WDR41: variants seen among roughly 807,000 people sequenced by gnomAD.
The protein encoded by WDR41 is WD repeat domain 41, also known as WD repeat-containing protein 41.
A neutral mutation model predicts 69.3 loss-of-function variants in WDR41; 63 were observed. The observed-to-expected ratio is 0.91, with a 90% confidence interval of 0.74 to 1.12. WDR41 has a LOEUF of 1.12. Among genes scored for constraint, WDR41 ranks in the 50% most tolerant of loss-of-function variants. The probability of loss-of-function intolerance (pLI) is 0.00; values close to 1 mark genes in which losing one functional copy is unlikely to be tolerated. For synonymous variants in WDR41, 185 were observed against 192.1 expected (o/e 0.96, Z 0.31); for missense variants, 543 against 534.5 (o/e 1.02, Z -0.16).
chr5:77,583,731 G>T (rs986555383), intron 1 of WDR41, among the ~76,000 whole-genome samples: 2 of 152,076 alleles, frequency 1.3e-5, no homozygotes, highest in South Asian at 2.1e-4. Flanking sequence ...GCAAATGGGG[G>T]ACCACTTCCT....
Position 77,539,065 on chromosome 5 carries a change from T to C in WDR41, c.43-49493A>G, listed in dbSNP as rs530329829. Among the ~76,000 whole-genome samples, 6 of 152,234 alleles carry C rather than the reference T, an allele frequency of 3.9e-5. No homozygotes were observed. In the South Asian group the frequency reaches 1.2e-3, roughly 32 times the overall value. On this transcript the variant is annotated intron_variant, in intron 1 of 5. Coordinates refer to the WDR41 transcript ENST00000509971. ...AGGTGGCCATCTTGCTGTATCTTCA[T>C]GGGAGGAGAGAGAGAGAGATCATCT...
chr5:77,534,445 T>C (rs1742924237), intron 1 of WDR41, among the ~76,000 whole-genome samples: 2 of 151,964 alleles, frequency 1.3e-5, no homozygotes, highest in African/African-American at 4.8e-5. Context: ...TCAATTTTTT[T>C]TTCTTTTTGA....
At position 77,431,326 on chromosome 5, in the gene WDR41, A is replaced by G. The variant is rs1482200119; in HGVS notation, c.*1809T>C. On this transcript the variant is annotated 3_prime_UTR_variant, in exon 13 of 13. Coordinates refer to ENST00000296679, the MANE Select transcript of WDR41 (RefSeq NM_018268.4). ...CAGTATCAAGACCCTCCACCAGCAA[A>G]AAGATTATGACTCGCTGAAGGCTCA... The G allele has an allele frequency of 6.6e-6, 1 of 152,446 alleles. No homozygotes were observed. The highest frequency in any genetic ancestry group is 1.5e-5 in the Non-Finnish European group (1 of 68,026). The allele number at this position is 152,446 out of a possible 1,614,324, so 9.4% of individuals were successfully genotyped here.
intron 2 of WDR41, among the ~76,000 whole-genome samples, chr5:77,485,370 G>T (rs1489726689): frequency 1.3e-5 from 2 of 152,106 alleles, no homozygotes; most frequent in African/African-American, 4.8e-5. Flanking sequence ...TGAGCATATT[G>T]TTCATTTTTA....
intron 2 of WDR41, among the ~76,000 whole-genome samples, chr5:77,473,577 T>C (rs560975467): frequency 1.3e-4 from 20 of 152,166 alleles, no homozygotes; most frequent in African/African-American, 4.6e-4. Flanking sequence ...GAATCTACAA[T>C]GAACACCAAC....
chr5:77,530,416 A>G (rs1802510479), intron 1 of WDR41, among the ~76,000 whole-genome samples: 1 of 151,756 alleles, frequency 6.6e-6, no homozygotes, highest in Non-Finnish European at 1.5e-5. Flanking sequence ...TATAAAATGA[A>G]TTACCACTTA....
chr5:77,444,977 C>CA (rs748918081), intron 8 of WDR41, among the ~76,000 whole-genome samples: 3 of 151,754 alleles, frequency 2.0e-5, no homozygotes, highest in Admixed American at 2.0e-4. Flanking sequence ...AAAAACTCTC[C>CA]AAAAAAATCA....
intron 1 of WDR41, among the ~76,000 whole-genome samples, chr5:77,566,809 A>G (rs920458287): frequency 5.3e-5 from 8 of 152,106 alleles, no homozygotes; most frequent in Admixed American, 1.3e-4. Flanking sequence ...ATTGACTGCA[A>G]TCAAAGTCTG....
At chr5:77,530,911 TTAATGG>T (rs1802518972) in intron 1 of WDR41, among the ~76,000 whole-genome samples, 1 of 151,784 alleles carries the variant, frequency 6.6e-6, no homozygotes, top group Non-Finnish European at 1.5e-5. Context: ...CAGTTAAATG[TTAATGG>T]TACAAGAACT....
chr5:77,508,445 A>C (rs1802147785), intron 1 of WDR41, among the ~76,000 whole-genome samples: 1 of 152,186 alleles, frequency 6.6e-6, no homozygotes, highest in Non-Finnish European at 1.5e-5. Flanking sequence ...TTTTGTTGGT[A>C]TTCTTTATTT....
At chr5:77,488,229 T>C (rs1301739644) in intron 2 of WDR41, among the ~76,000 whole-genome samples, 2 of 152,090 alleles carry the variant, frequency 1.3e-5, no homozygotes, top group Non-Finnish European at 2.9e-5. Flanking sequence ...CCTTCATCTG[T>C]GGAATCTGAC....
At chr5:77,523,513 T>A (rs1322554053) in intron 1 of WDR41, among the ~76,000 whole-genome samples, 5 of 152,106 alleles carry the variant, frequency 3.3e-5, no homozygotes, top group Admixed American at 1.3e-4. Context: ...AGGCCTTTAC[T>A]GATTACCTAC....
chr5:77,443,796 T>TC (rs1294192724), intron 8 of WDR41, among the ~76,000 whole-genome samples: 4 of 151,502 alleles, frequency 2.6e-5, no homozygotes, highest in South Asian at 4.2e-4. Context: ...CTGTGATACC[T>TC]CCATGCAGTA....
chr5:77,559,483 C>T (rs747546217), intron 1 of WDR41, among the ~76,000 whole-genome samples: 4 of 152,002 alleles, frequency 2.6e-5, no homozygotes, highest in Non-Finnish European at 5.9e-5. Context: ...TTAGACCGTA[C>T]TGGTGGTAAT....
At chr5:77,503,046 C>T (rs1258395268) in intron 1 of WDR41, among the ~76,000 whole-genome samples, 10 of 151,960 alleles carry the variant, frequency 6.6e-5, no homozygotes, top group African/African-American at 2.4e-4. Flanking sequence ...AGGCCAAATG[C>T]CCAAATTAAA....
At chr5:77,443,877 T>C (rs1381492084) in intron 8 of WDR41, among the ~76,000 whole-genome samples, 4 of 10,090 alleles carry the variant, frequency 4.0e-4, no homozygotes, top group Admixed American at 3.1e-3. Context: ...CAATCAGCAC[T>C]TTTTTTTTTT....
intron 1 of WDR41, among the ~76,000 whole-genome samples, chr5:77,539,422 T>G (rs1358318312): frequency 2.0e-5 from 3 of 152,194 alleles, no homozygotes; most frequent in Admixed American, 6.5e-5. Flanking sequence ...CTTGTTAAAA[T>G]GTATATTGTG....
rs779586170 is a variant in WDR41 at position 77,492,164 on chromosome 5, G to A, written c.51+6C>T. ...CGGACGCAGAGCAGACCCACCCGGG[G>A]TTTACCTCGGCCAGTCCCTGCGGTT... On this transcript the variant is annotated splice_donor_region_variant and intron_variant, in intron 1 of 12. Transcript: ENST00000296679. The A allele has an allele frequency of 2.5e-5, 40 of 1,611,586 alleles. No homozygotes were observed. The highest frequency in any genetic ancestry group is 3.1e-5 in the Non-Finnish European group (37 of 1,179,194).
intron 1 of WDR41, among the ~76,000 whole-genome samples, chr5:77,562,167 G>C (rs545843844): frequency 2.6e-4 from 39 of 152,224 alleles, no homozygotes; most frequent in Non-Finnish European, 2.8e-4. Context: ...ATTTAGTGCC[G>C]ATCTGCTGCG....
Sources: allele counts gnomAD v4.1 joint callset (sites outside exome capture counted in the v4.1 genomes callset), GRCh38; gene constraint gnomAD v4.1.1; transcripts MANE v1.5; gene names NCBI Gene and HGNC (gene_info 2026-07-23, HGNC 2026-07-21).